ALDH1A2: variants seen among roughly 807,000 people sequenced by gnomAD.
ALDH1A2 encodes the protein retinal dehydrogenase 2.
A neutral mutation model predicts 60.3 loss-of-function variants in ALDH1A2; 27 were observed. The observed-to-expected ratio is 0.45, with a 90% CI of 0.33 to 0.62. The LOEUF (loss-of-function observed/expected upper bound fraction) is 0.62, where lower values mean the gene tolerates loss of function less well. ALDH1A2 is among the 20% of genes least tolerant of loss of function. The pLI is 0.02. For synonymous variants in ALDH1A2, 289 were observed against 232.4 expected, an observed-to-expected ratio of 1.24 and a Z score of -2.21; for missense variants, 581 against 643.8, an observed-to-expected ratio of 0.90 and a Z score of 1.06.
intron 1 of ALDH1A2, among the ~76,000 whole-genome samples, chr15:58,061,305 T>C (rs1279463531): frequency 6.6e-6 from 1 of 152,030 alleles, no homozygotes; most frequent in Non-Finnish European, 1.5e-5. Flanking sequence ...AGTCCTCTAT[T>C]AACATGTAGT....
intron 7 of ALDH1A2, among the ~76,000 whole-genome samples, chr15:57,980,819 C>T (rs912829114): frequency 6.6e-6 from 1 of 152,118 alleles, no homozygotes; most frequent in African/African-American, 2.4e-5. Flanking sequence ...AGGGAGGAGT[C>T]CCTCTTTTTC....
At chr15:58,003,856 A>G (rs1475988439) in intron 4 of ALDH1A2, among the ~76,000 whole-genome samples, 1 of 151,942 alleles carries the variant, frequency 6.6e-6, no homozygotes, top group Non-Finnish European at 1.5e-5. Flanking sequence ...ATTTATCATC[A>G]TAATTAGGCA....
Position 58,053,850 on chromosome 15 carries a change from TC to T in ALDH1A2, c.117+11683del, listed in dbSNP as rs567908700. On this transcript the variant is annotated intron_variant, in intron 1 of 12. Transcript: ENST00000249750. ...ATTTTTCACTCAGTACAAATACCTATCAGCATGGAGAAACATGGAAGAGCAA... is the reference window on the plus strand; with the variant it reads ...ATTTTTCACTCAGTACAAATACCTATAGCATGGAGAAACATGGAAGAGCAA... Among the ~76,000 whole-genome samples the T allele has an allele frequency of 2.6e-5, 4 of 152,132 alleles. No homozygotes were observed. The South Asian group carries it at 8.3e-4, about 32-fold the overall frequency.
At chr15:57,973,906 C>G (rs1481072985) in intron 7 of ALDH1A2, among the ~76,000 whole-genome samples, 1 of 152,138 alleles carries the variant, frequency 6.6e-6, no homozygotes, top group Non-Finnish European at 1.5e-5. Flanking sequence ...TTCCTAAAAG[C>G]AAAACAATTC....
At chr15:58,016,046 T>A (rs1895779390) in intron 1 of ALDH1A2, among the ~76,000 whole-genome samples, 1 of 152,154 alleles carries the variant, frequency 6.6e-6, no homozygotes, top group South Asian at 2.1e-4. Flanking sequence ...AGGGAAAAAG[T>A]GGTCTTACCC....
At chr15:58,048,080 A>AGTCCT (rs1435348963) in intron 1 of ALDH1A2, among the ~76,000 whole-genome samples, 1 of 152,052 alleles carries the variant, frequency 6.6e-6, no homozygotes, top group Non-Finnish European at 1.5e-5. Context: ...ACTTATGCTG[A>AGTCCT]GTCCTAAGCT....
chr15:57,966,457 G>A (rs2140455442), intron 7 of ALDH1A2, among the ~76,000 whole-genome samples: 1 of 152,302 alleles, frequency 6.6e-6, no homozygotes, highest in South Asian at 2.1e-4. Flanking sequence ...ACTCACATTG[G>A]CAATGAAAAT....
At chr15:58,045,006 G>A (rs1403621333) in intron 1 of ALDH1A2, among the ~76,000 whole-genome samples, 1 of 151,982 alleles carries the variant, frequency 6.6e-6, no homozygotes, top group Non-Finnish European at 1.5e-5. Flanking sequence ...ACTGCTCAAA[G>A]GGCTAATATC....
At chr15:58,053,444 C>G (rs1433679718) in intron 1 of ALDH1A2, among the ~76,000 whole-genome samples, 1 of 152,160 alleles carries the variant, frequency 6.6e-6, no homozygotes, top group South Asian at 2.1e-4. Context: ...ATTACAGACA[C>G]TCACAAATAA....
rs1893809195 is a variant in ALDH1A2 at position 57,963,894 on chromosome 15, C to G, written c.1077G>C (p.Gln359His). 1 of 1,614,190 alleles carries G rather than the reference C, an allele frequency of 6.2e-7. No individual in the cohort carries two copies. ...VGSPFDPTTE[Q>H]GPQIDKKQYN... ...GTTATGATTTTTCTACCTGGGGACC[C>G]TGCTCAGTGGTGGGGTCAAAGGGAC... is the stretch of plus-strand genomic sequence containing the variant. Residue 359 changes from glutamine to histidine, a missense_variant, in exon 9 of 13, where the codon CAG becomes CAC. Gln to His is a conservative substitution (Grantham distance 24). Transcript: ENST00000249750.
chr15:57,961,980 TG>T (rs1893736342), intron 10 of ALDH1A2, 31 bp downstream of exon 10: 1 of 1,613,468 alleles, frequency 6.2e-7, no homozygotes, highest in Non-Finnish European at 8.5e-7. Flanking sequence ...CCAAGAAAGA[TG>T]TGGCTTTTGT....
chr15:57,990,950 A>T (rs112125255), intron 7 of ALDH1A2, among the ~76,000 whole-genome samples: 1 of 152,226 alleles, frequency 6.6e-6, no homozygotes, highest in African/African-American at 2.4e-5. Context: ...TGGTCAACAG[A>T]AAAAGGTTAA....
chr15:58,065,421 G>T, intron 1 of ALDH1A2, 113 bp downstream of exon 1: 1 of 930,666 alleles, frequency 1.1e-6, no homozygotes, highest in Non-Finnish European at 1.8e-6. Context: ...ATGACAGGCT[G>T]GCCCCGACGA....
At chr15:58,037,684 T>C (rs919621881) in intron 1 of ALDH1A2, among the ~76,000 whole-genome samples, 1 of 151,754 alleles carries the variant, frequency 6.6e-6, no homozygotes, top group Non-Finnish European at 1.5e-5. Context: ...ATTTAGCTAG[T>C]ATCCCACATA....
chr15:58,032,099 C>T (rs1383153299), intron 1 of ALDH1A2, among the ~76,000 whole-genome samples: 1 of 152,084 alleles, frequency 6.6e-6, no homozygotes, highest in Non-Finnish European at 1.5e-5. Flanking sequence ...AGACTTGGAA[C>T]CAACCCAAAT....
chr15:58,022,530 G>T (rs945511143), intron 1 of ALDH1A2, among the ~76,000 whole-genome samples: 1 of 151,962 alleles, frequency 6.6e-6, no homozygotes, highest in Non-Finnish European at 1.5e-5. Context: ...CACTACCTCC[G>T]GGGGGAAAGC....
At chr15:58,065,392 G>A (rs1227017178) in intron 1 of ALDH1A2, 142 bp downstream of exon 1, 5 of 801,072 alleles carry the variant, frequency 6.2e-6, no homozygotes, top group South Asian at 1.4e-5. Flanking sequence ...CAGGCAGGGG[G>A]TCCCTCTGCT....
chr15:57,975,094 A>C (rs1894202914), intron 7 of ALDH1A2, among the ~76,000 whole-genome samples: 1 of 152,222 alleles, frequency 6.6e-6, no homozygotes, highest in Non-Finnish European at 1.5e-5. Flanking sequence ...AAGGAGTTCA[A>C]AGTCTTAAAC....
chr15:58,057,574 T>C (rs1896927281), intron 1 of ALDH1A2, among the ~76,000 whole-genome samples: 1 of 152,214 alleles, frequency 6.6e-6, no homozygotes, highest in Non-Finnish European at 1.5e-5. Flanking sequence ...CTTTTCTGTA[T>C]GATTAAAGCA....
Sources: gnomAD v4.1 joint callset for allele counts (sites outside exome capture counted in the v4.1 genomes callset) on GRCh38, gnomAD v4.1.1 for gene constraint, MANE v1.5 for transcripts, NCBI Gene and HGNC (gene_info 2026-07-23, HGNC 2026-07-21) for gene names.